LAMC3: variants seen among roughly 807,000 people sequenced by gnomAD.
LAMC3 encodes the protein laminin subunit gamma 3, also known as laminin subunit gamma-3.
Under a neutral mutation model 173.8 loss-of-function variants are expected in LAMC3, and 128 were observed. The observed-to-expected ratio is 0.74, with a 90% CI of 0.64 to 0.85. The LOEUF is 0.85. Ranked by LOEUF, LAMC3 falls within the 40% of genes least tolerant of loss-of-function variation. The pLI, the probability that LAMC3 is intolerant of heterozygous loss-of-function variation, is 0.00. For missense variants in LAMC3, 2,022 were observed against 2,156.0 expected (o/e 0.94, Z 1.23); for synonymous variants, 897 against 909.1 (o/e 0.99, Z 0.24).
At chr9:131,027,884 C>T (rs903431223) in intron 2 of LAMC3, among the ~76,000 whole-genome samples, 5 of 152,238 alleles carry the variant, frequency 3.3e-5, no homozygotes, top group Non-Finnish European at 5.9e-5. Context: ...CCACGTAGGT[C>T]CACCCAGGTG....
chr9:131,085,383 A>G, intron 24 of LAMC3, 141 bp from the exon 25 acceptor site: 1 of 786,826 alleles, frequency 1.3e-6, no homozygotes, highest in South Asian at 1.4e-5. Flanking sequence ...TGAGAAGGCG[A>G]TATGCACGTT....
chr9:131,081,166 T>C (rs1162801315), intron 23 of LAMC3, among the ~76,000 whole-genome samples: 2 of 152,214 alleles, frequency 1.3e-5, no homozygotes, highest in African/African-American at 4.8e-5. Context: ...GTGCCGATGG[T>C]GTCAGGCTTC....
intron 7 of LAMC3, 65 bp from the exon 8 acceptor site, chr9:131,045,459 C>T: frequency 6.3e-7 from 1 of 1,596,370 alleles, no homozygotes; most frequent in South Asian, 1.1e-5. Context: ...GCTGGGATAC[C>T]CTGGCCCCGC....
At position 131,054,017 on chromosome 9, in the gene LAMC3, C is replaced by A. The variant is rs201830332; in HGVS notation, c.1939+1052C>A. ...GACCTTGTCTCTAAAAAAAAAAAAACAAAACAAAAAACAAAACCCCTAGTG... is the reference window on the plus strand; with the variant it reads ...GACCTTGTCTCTAAAAAAAAAAAAAAAAAACAAAAAACAAAACCCCTAGTG... On this transcript the variant is annotated intron_variant, in intron 11 of 27. Transcript: ENST00000361069. Among the ~76,000 whole-genome samples the A allele has an allele frequency of 3.6e-3, 382 of 105,228 alleles. 1 individual carries two copies. Among genetic ancestry groups the A allele is most frequent in the African/African-American group, 9.0e-3 (335 of 37,422 alleles). The allele number at this position is 105,228 out of a possible 152,430, so 69.0% of individuals were successfully genotyped here. A position where few individuals can be genotyped will look rare whatever the true frequency, so the allele number is the denominator to read the frequency against.
intron 7 of LAMC3, among the ~76,000 whole-genome samples, chr9:131,044,496 C>T (rs1233342182): frequency 2.0e-5 from 3 of 152,096 alleles, no homozygotes; most frequent in Admixed American, 6.5e-5. Flanking sequence ...GGCAACAGAG[C>T]GAGACTTCGT....
At chr9:131,018,872 C>T (rs564624806) in intron 1 of LAMC3, among the ~76,000 whole-genome samples, 2 of 152,312 alleles carry the variant, frequency 1.3e-5, no homozygotes, top group East Asian at 3.9e-4. Flanking sequence ...CCTCACCTTC[C>T]CTGGCTAATG....
At chr9:131,068,730 C>A (rs1261088447) in intron 15 of LAMC3, among the ~76,000 whole-genome samples, 178 bp from the exon 16 acceptor site, 1 of 152,182 alleles carries the variant, frequency 6.6e-6, no homozygotes, top group South Asian at 2.1e-4. Flanking sequence ...CCCTGAGCAT[C>A]CTGGGAAACT....
chr9:131,032,480 TTCTCTCGCTCTCGC>T (rs945797341), intron 3 of LAMC3, among the ~76,000 whole-genome samples: 1 of 135,744 alleles, frequency 7.4e-6, no homozygotes, highest in African/African-American at 2.8e-5. Context: ...CTCGCTCTCT[TTCTCTCGCTCTCGC>T]TCTCTCTCAC....
At position 131,069,738 on chromosome 9, in the gene LAMC3, G is replaced by C. The variant is rs764773164; in HGVS notation, c.2957G>C (p.Arg986Thr). ...QCHENGTCVC[R>T]PGFEGYKCDR... ...CACGAGAACGGCACATGCGTGTGCA[G>C]GCCTGGCTTCGAGGGCTACAAATGT... Residue 986 changes from arginine (R) to threonine (T), a missense_variant, in exon 17 of 28, where the codon AGG becomes ACG. Transcript: ENST00000361069. The C allele has an allele frequency of 3.1e-6, 5 of 1,601,614 alleles. No homozygotes were observed. The African/African-American group carries it at 6.7e-5, about 21-fold the overall frequency.
intron 13 of LAMC3, among the ~76,000 whole-genome samples, chr9:131,061,433 A>G (rs560969072): frequency 3.3e-5 from 5 of 152,302 alleles, no homozygotes; most frequent in South Asian, 4.1e-4. Context: ...TGCCAGCAGA[A>G]TTTGGGCCAT....
chr9:131,064,116 C>T (rs1829880703), intron 13 of LAMC3, among the ~76,000 whole-genome samples: 1 of 152,018 alleles, frequency 6.6e-6, no homozygotes, highest in Admixed American at 6.6e-5. Context: ...CCATGTTGAC[C>T]AGGCTGGTTT....
intron 2 of LAMC3, among the ~76,000 whole-genome samples, chr9:131,030,883 G>A (rs966718195): frequency 6.6e-6 from 1 of 152,220 alleles, no homozygotes; most frequent in Non-Finnish European, 1.5e-5. Flanking sequence ...CAGCTCCACC[G>A]CTGACCCCTG....
At chr9:131,032,546 T>C (rs116093230) in intron 3 of LAMC3, among the ~76,000 whole-genome samples, 249 of 121,076 alleles carry the variant, frequency 2.1e-3, no homozygotes, top group African/African-American at 0.013. Flanking sequence ...CTCTCTCTCT[T>C]GCTCTCTCTC....
intron 2 of LAMC3, among the ~76,000 whole-genome samples, chr9:131,027,463 A>C (rs1157374844): frequency 6.6e-6 from 1 of 152,160 alleles, no homozygotes; most frequent in Admixed American, 6.5e-5. Flanking sequence ...CCTGGGTCCC[A>C]CGCTGTAAGT....
chr9:131,046,052 C>A (rs1200606761), intron 8 of LAMC3, among the ~76,000 whole-genome samples: 1 of 152,202 alleles, frequency 6.6e-6, no homozygotes, highest in Middle Eastern at 3.2e-3. Flanking sequence ...GTGCTGAGCA[C>A]CTAACATGCA....
intron 9 of LAMC3, among the ~76,000 whole-genome samples, chr9:131,051,508 CA>C (rs1464139689): frequency 7.9e-5 from 12 of 151,910 alleles, no homozygotes; most frequent in Non-Finnish European, 1.5e-5. Context: ...GGATTACAGG[CA>C]CCCACCACCA....
At chr9:131,065,630 CGAT>C (rs1040733475) in intron 13 of LAMC3, among the ~76,000 whole-genome samples, 3 of 152,152 alleles carry the variant, frequency 2.0e-5, no homozygotes, top group African/African-American at 7.2e-5. Flanking sequence ...GATAAGGTGA[CGAT>C]GACAGTTGTG....
At chr9:131,069,634 C>T (rs772750521) in intron 16 of LAMC3, 38 bp from the exon 17 acceptor site, 1 of 1,578,858 alleles carries the variant, frequency 6.3e-7, no homozygotes, top group Admixed American at 1.8e-5. Flanking sequence ...GCCCCTGGCC[C>T]CTCTAAACCC....
intron 1 of LAMC3, among the ~76,000 whole-genome samples, chr9:131,016,956 C>T (rs1352632792): frequency 2.0e-5 from 3 of 152,140 alleles, no homozygotes; most frequent in Non-Finnish European, 4.4e-5. Context: ...AAAAAGCACC[C>T]GCCTTGCTAT....
Sources: allele counts gnomAD v4.1 joint callset (sites outside exome capture counted in the v4.1 genomes callset), GRCh38; gene constraint gnomAD v4.1.1; transcripts MANE v1.5; gene names NCBI Gene and HGNC (gene_info 2026-07-23, HGNC 2026-07-21).